The following TYR variants were observed in gnomAD, a reference collection of about 807,000 sequenced individuals.
The protein encoded by TYR is tyrosinase, also known as LB24-AB.
TYR carries 58 observed loss-of-function variants against 51.5 expected under a neutral mutation model. That is an observed-to-expected ratio of 1.13 (90% CI 0.91 to 1.40). The LOEUF (loss-of-function observed/expected upper bound fraction) is 1.40, where lower values mean the gene tolerates loss of function less well. Ranked by LOEUF, TYR falls within the 40% of genes most tolerant of loss-of-function variation. TYR has a pLI of 0.00. For synonymous variants in TYR, 263 were observed against 235.2 expected, an observed-to-expected ratio of 1.12 and a Z score of -1.08; for missense variants, 732 against 647.4, an observed-to-expected ratio of 1.13 and a Z score of -1.42.
At chr11:89,291,051 G>A (rs570813689) in intron 4 of TYR, among the ~76,000 whole-genome samples, 33 of 151,870 alleles carry the variant, frequency 2.2e-4, no homozygotes, top group African/African-American at 6.5e-4. Context: ...TAACTGCTAC[G>A]TGCCTTAAAT....
intron 2 of TYR, among the ~76,000 whole-genome samples, chr11:89,198,109 T>C (rs1376298425): frequency 1.3e-5 from 2 of 152,016 alleles, no homozygotes; most frequent in Non-Finnish European, 2.9e-5. Context: ...ACAAGAATAG[T>C]GTGTGTATTT....
chr11:89,189,955 C>T (rs761152296), intron 1 of TYR, among the ~76,000 whole-genome samples: 6 of 152,162 alleles, frequency 3.9e-5, no homozygotes, highest in Non-Finnish European at 5.9e-5. Context: ...TGAAAAATTC[C>T]TGTCACCCAG....
chr11:89,242,164 C>A (rs1008135670), intron 3 of TYR, among the ~76,000 whole-genome samples: 1 of 151,886 alleles, frequency 6.6e-6, no homozygotes, highest in Non-Finnish European at 1.5e-5. Context: ...TCAGAAGGGG[C>A]TTCTTTGGCT....
At chr11:89,250,899 T>A (rs1166701687) in intron 3 of TYR, among the ~76,000 whole-genome samples, 1 of 151,968 alleles carries the variant, frequency 6.6e-6, no homozygotes, top group Non-Finnish European at 1.5e-5. Context: ...AGTGGAATAA[T>A]GACAGACTTG....
chr11:89,268,575 G>C (rs1454846768), intron 3 of TYR, among the ~76,000 whole-genome samples: 1 of 151,822 alleles, frequency 6.6e-6, no homozygotes, highest in Non-Finnish European at 1.5e-5. Flanking sequence ...GGCATACTAT[G>C]ATCTCCACTA....
intron 3 of TYR, among the ~76,000 whole-genome samples, chr11:89,232,520 G>A (rs1443285678): frequency 7.0e-6 from 1 of 142,042 alleles, no homozygotes; most frequent in Non-Finnish European, 1.5e-5. Flanking sequence ...CATAAAGATG[G>A]GAGCCATAGA....
At chr11:89,281,580 T>G (rs1012952723) in intron 3 of TYR, among the ~76,000 whole-genome samples, 3 of 151,790 alleles carry the variant, frequency 2.0e-5, no homozygotes, top group Admixed American at 6.6e-5. Context: ...CTCCTGCCCC[T>G]GGTAAGCAGA....
chr11:89,208,931 C>A (rs1943711834), intron 2 of TYR, among the ~76,000 whole-genome samples: 2 of 152,180 alleles, frequency 1.3e-5, no homozygotes, highest in Admixed American at 1.3e-4. Context: ...ACCTTTTGCT[C>A]AACTTTCAGT....
intron 2 of TYR, among the ~76,000 whole-genome samples, chr11:89,192,637 G>A (rs1943461008): frequency 6.6e-6 from 1 of 152,016 alleles, no homozygotes; most frequent in Admixed American, 6.6e-5. Context: ...ATCAATTGAA[G>A]CAAGGCAAGT....
At chr11:89,262,870 A>AAAAC (rs1944477678) in intron 3 of TYR, among the ~76,000 whole-genome samples, 8 of 140,630 alleles carry the variant, frequency 5.7e-5, no homozygotes, top group African/African-American at 1.7e-4. Flanking sequence ...AAAAAAAAAA[A>AAAAC]AACAACAACA....
chr11:89,208,532 T>G (rs1717088253), intron 2 of TYR, among the ~76,000 whole-genome samples: 1 of 152,214 alleles, frequency 6.6e-6, no homozygotes, highest in Non-Finnish European at 1.5e-5. Flanking sequence ...TATATTTTAT[T>G]CTAAATTTTA....
chr11:89,192,441 C>T (rs1282430513), intron 2 of TYR, among the ~76,000 whole-genome samples: 5 of 152,088 alleles, frequency 3.3e-5, no homozygotes, highest in Admixed American at 6.6e-5. Context: ...AGGCCTGTGA[C>T]ACCTTAACAT....
chr11:89,182,575 T>TAACA (rs1943316166), intron 1 of TYR, among the ~76,000 whole-genome samples: 1 of 152,194 alleles, frequency 6.6e-6, no homozygotes, highest in Non-Finnish European at 1.5e-5. Flanking sequence ...TGGTCAGAGT[T>TAACA]TTCTGTTAAA....
In TYR at chr11:89,231,782, G is replaced by A. The variant is rs542802790; in HGVS notation, c.1184+3812G>A. On this transcript the variant is annotated intron_variant, in intron 3 of 4. Transcript: ENST00000263321. ...GTGGATTGCCTGAGCTCAGGAGTTC[G>A]AGGCCATGCTAGGCAACACAGTAAA... Among the ~76,000 whole-genome samples the A allele has an allele frequency of 1.6e-4, 23 of 141,422 alleles. 1 individual carries two copies. The highest frequency in any genetic ancestry group is 2.3e-4 in the South Asian group (1 of 4,282). 92.8% of individuals were successfully genotyped at this position (141,422 alleles called of 152,430 possible). A position where few individuals can be genotyped will look rare whatever the true frequency, so the allele number is the denominator to read the frequency against.
intron 3 of TYR, among the ~76,000 whole-genome samples, chr11:89,252,128 TG>T (rs1944338160): frequency 6.6e-6 from 1 of 151,866 alleles, no homozygotes; most frequent in African/African-American, 2.4e-5. Flanking sequence ...AGATATTTTA[TG>T]TGCAATTCTT....
At chr11:89,272,042 A>T (rs1944594277) in intron 3 of TYR, among the ~76,000 whole-genome samples, 2 of 151,800 alleles carry the variant, frequency 1.3e-5, no homozygotes, top group South Asian at 4.1e-4. Flanking sequence ...ACCCCCTCAA[A>T]GTCATCCATG....
At chr11:89,183,962 A>G (rs76570536) in intron 1 of TYR, among the ~76,000 whole-genome samples, 2,930 of 152,186 alleles carry the variant, frequency 0.019, 91 homozygotes, top group African/African-American at 0.067. Context: ...CCATTTACAG[A>G]TGAAAAAACT....
chr11:89,259,332 A>G (rs1355395573), intron 3 of TYR, among the ~76,000 whole-genome samples: 1 of 152,102 alleles, frequency 6.6e-6, no homozygotes, highest in Non-Finnish European at 1.5e-5. Context: ...CTTGGCTAGA[A>G]CATTAGTATT....
At chr11:89,202,523 T>C (rs1713168799) in intron 2 of TYR, among the ~76,000 whole-genome samples, 1 of 152,020 alleles carries the variant, frequency 6.6e-6, no homozygotes. Flanking sequence ...TGATTAGTGT[T>C]CACTTGGTTT....
Sources: allele counts gnomAD v4.1 joint callset (sites outside exome capture counted in the v4.1 genomes callset), GRCh38; gene constraint gnomAD v4.1.1; transcripts MANE v1.5; gene names NCBI Gene and HGNC (gene_info 2026-07-23, HGNC 2026-07-21).